RSRC1: variants seen among roughly 807,000 people sequenced by gnomAD.
RSRC1 encodes the protein arginine and serine rich coiled-coil 1, also known as serine/Arginine-related protein 53.
In RSRC1, 39 loss-of-function variants were observed where a neutral mutation model predicts 49.1. The observed-to-expected ratio is 0.79, with a 90% CI of 0.61 to 1.04. RSRC1 has a LOEUF of 1.04. Among genes scored for constraint, RSRC1 ranks in the 50% least tolerant of loss-of-function variants. RSRC1 has a pLI of 0.00. For synonymous variants in RSRC1, 143 were observed against 130.8 expected (o/e 1.09, Z -0.63); for missense variants, 388 against 402.4 (o/e 0.96, Z 0.31).
intron 3 of RSRC1, among the ~76,000 whole-genome samples, chr3:158,186,128 CA>C (rs1719913327): frequency 6.6e-6 from 1 of 151,826 alleles, no homozygotes; most frequent in African/African-American, 2.4e-5. Flanking sequence ...CCCATTCAAA[CA>C]ATAAACGCCG....
At chr3:158,424,264 A>C (rs1001467989) in intron 6 of RSRC1, among the ~76,000 whole-genome samples, 3 of 151,826 alleles carry the variant, frequency 2.0e-5, no homozygotes, top group African/African-American at 7.3e-5. Context: ...TCAATACCTA[A>C]TTTATTGAGA....
At chr3:158,265,708 T>G (rs1055345958) in intron 4 of RSRC1, among the ~76,000 whole-genome samples, 4 of 152,164 alleles carry the variant, frequency 2.6e-5, no homozygotes, top group African/African-American at 9.7e-5. Context: ...CCGCCACTTG[T>G]AAGCTAACAA....
At chr3:158,191,121 G>C (rs1720216670) in intron 3 of RSRC1, among the ~76,000 whole-genome samples, 1 of 151,654 alleles carries the variant, frequency 6.6e-6, no homozygotes, top group African/African-American at 2.4e-5. Context: ...CTTGTTTCCA[G>C]TTTTCCTTTA....
At chr3:158,262,135 G>A (rs574336944) in intron 4 of RSRC1, among the ~76,000 whole-genome samples, 29 of 152,128 alleles carry the variant, frequency 1.9e-4, no homozygotes, top group African/African-American at 7.0e-4. Flanking sequence ...TTATTTTGAG[G>A]AAGTCTAGTT....
intron 6 of RSRC1, among the ~76,000 whole-genome samples, chr3:158,364,698 G>A (rs529843160): frequency 1.0e-3 from 156 of 151,982 alleles, no homozygotes; most frequent in African/African-American, 3.6e-3. Flanking sequence ...TTGTATGGTG[G>A]TGAAGTCCTC....
chr3:158,290,036 G>A lies in RSRC1; in HGVS notation c.495-8003G>A, dbSNP rs78553760. Among the ~76,000 whole-genome samples, 1,161 of 151,724 alleles carry A rather than the reference G, an allele frequency of 7.7e-3. 6 individuals are homozygous for A. The highest frequency in any genetic ancestry group is 0.027 in the African/African-American group (1,101 of 41,458). ...TTGAAATGGATTTCAAGGCAATTAA[G>A]AAAGCTGAAAATTATATGAAGATTT... On this transcript the variant is annotated intron_variant, in intron 4 of 9. Transcript: ENST00000611884.
At chr3:158,183,099 G>A (rs187970595) in intron 3 of RSRC1, among the ~76,000 whole-genome samples, 33 of 151,978 alleles carry the variant, frequency 2.2e-4, no homozygotes, top group African/African-American at 7.7e-4. Context: ...AAATCTGTAA[G>A]TAATGCAGAT....
intron 6 of RSRC1, among the ~76,000 whole-genome samples, chr3:158,441,969 T>A (rs559727750): frequency 6.6e-6 from 1 of 152,140 alleles, no homozygotes; most frequent in Admixed American, 6.6e-5. Context: ...ACAAATTTTT[T>A]GATTTCCCTA....
At chr3:158,171,901 A>G (rs1718901639) in intron 3 of RSRC1, among the ~76,000 whole-genome samples, 1 of 152,074 alleles carries the variant, frequency 6.6e-6, no homozygotes. Context: ...TGAGCAAACC[A>G]TGATCATCCC....
chr3:158,459,147 CTT>C (rs1737491330), intron 6 of RSRC1, among the ~76,000 whole-genome samples: 1 of 152,004 alleles, frequency 6.6e-6, no homozygotes, highest in Non-Finnish European at 1.5e-5. Flanking sequence ...ATTTGGAGCT[CTT>C]GATTGACAGT....
At chr3:158,117,173 A>G (rs1308566800) in intron 1 of RSRC1, among the ~76,000 whole-genome samples, 1 of 151,870 alleles carries the variant, frequency 6.6e-6, no homozygotes, top group Non-Finnish European at 1.5e-5. Flanking sequence ...TGCTACCCAT[A>G]TTTTTTTATC....
Position 158,117,540 on chromosome 3 carries a change from CT to C in RSRC1, c.-2-4561del, listed in dbSNP as rs1714919420. Among the ~76,000 whole-genome samples, 3 of 152,146 alleles carry C rather than the reference CT, an allele frequency of 2.0e-5. No individual in the cohort carries two copies. In the South Asian group the frequency reaches 6.2e-4, roughly 31 times the overall value. On this transcript the variant is annotated intron_variant, in intron 1 of 9. Coordinates refer to ENST00000611884, the MANE Select transcript of RSRC1 (RefSeq NM_001271838.2). ...TCCCTGGGTTCAAGCAATCCACCCA[CT>C]TCGGCCTGCCAAAGTGCTGATATTA...
intron 6 of RSRC1, among the ~76,000 whole-genome samples, chr3:158,423,219 T>G (rs1403690294): frequency 6.6e-6 from 1 of 152,132 alleles, no homozygotes; most frequent in Admixed American, 6.6e-5. Flanking sequence ...GGTCTAACGT[T>G]TAAGTCTTTA....
intron 7 of RSRC1, among the ~76,000 whole-genome samples, chr3:158,468,964 A>T (rs1391458465): frequency 6.6e-6 from 1 of 152,166 alleles, no homozygotes; most frequent in African/African-American, 2.4e-5. Flanking sequence ...TATAGTCGCA[A>T]TCATTATTTG....
At chr3:158,210,233 G>T (rs1367719988) in intron 4 of RSRC1, among the ~76,000 whole-genome samples, 1 of 152,080 alleles carries the variant, frequency 6.6e-6, no homozygotes, top group Non-Finnish European at 1.5e-5. Flanking sequence ...AAGCAGGGCT[G>T]TGTGATAGCT....
rs1187227026 is a variant in RSRC1, at chr3:158,516,274, T to C, written c.653-20818T>C. Among the ~76,000 whole-genome samples, 119 of 151,860 alleles carry C rather than the reference T, an allele frequency of 7.8e-4. No individual in the cohort carries two copies. In the East Asian group the frequency reaches 0.013, roughly 17 times the overall value. ...TGATGGTGATGTACAGATGGGTTTTTGGTGTGGATGTCCTTTCTGTTTGTT... is the reference window on the plus strand; with the variant it reads ...TGATGGTGATGTACAGATGGGTTTTCGGTGTGGATGTCCTTTCTGTTTGTT... On this transcript the variant is annotated intron_variant, in intron 7 of 9. Coordinates refer to ENST00000611884, the MANE Select transcript of RSRC1 (RefSeq NM_001271838.2).
At chr3:158,238,494 G>C (rs573561515) in intron 4 of RSRC1, among the ~76,000 whole-genome samples, 32 of 152,284 alleles carry the variant, frequency 2.1e-4, no homozygotes, top group Non-Finnish European at 3.4e-4. Flanking sequence ...AACCAAAACA[G>C]CATGGTACTG....
intron 3 of RSRC1, among the ~76,000 whole-genome samples, chr3:158,156,573 C>T (rs1042955524): frequency 1.3e-5 from 2 of 152,088 alleles, no homozygotes; most frequent in Admixed American, 1.3e-4. Flanking sequence ...TCATTTCTAG[C>T]TTTTGATTTA....
chr3:158,355,034 C>CTAGG, intron 6 of RSRC1, 126 bp downstream of exon 6: 1 of 601,194 alleles, frequency 1.7e-6, no homozygotes, highest in Non-Finnish European at 2.8e-6. Context: ...TTTATCAGAT[C>CTAGG]TAGATTATAT....
Sources: allele counts gnomAD v4.1 joint callset (sites outside exome capture counted in the v4.1 genomes callset), GRCh38; gene constraint gnomAD v4.1.1; transcripts MANE v1.5; gene names NCBI Gene and HGNC (gene_info 2026-07-23, HGNC 2026-07-21).